Variants in GSE1 observed in about 807,000 individuals in gnomAD.
GSE1 encodes the protein Gse1 coiled-coil protein.
A neutral mutation model predicts 112.6 loss-of-function variants in GSE1; 32 were observed. The observed-to-expected ratio is 0.28, with a 90% confidence interval of 0.21 to 0.38. The LOEUF (loss-of-function observed/expected upper bound fraction) is 0.38, where lower values mean the gene tolerates loss of function less well. Ranked by LOEUF, GSE1 falls within the 10% of genes least tolerant of loss-of-function variation. The probability of loss-of-function intolerance (pLI) is 1.00; values close to 1 mark genes in which losing one functional copy is unlikely to be tolerated. For missense variants in GSE1, 2,348 were observed against 1,699.2 expected (o/e 1.38, Z -6.71); for synonymous variants, 1,115 against 735.6 (o/e 1.52, Z -8.35).
Position 85,550,311 on chromosome 16 carries a change from G to A in GSE1, c.2465-83603G>A, listed in dbSNP as rs999781003. ...CTGTGTGTCCTTGGGCAAGCTGCTC[G>A]ACCTCTCTGTTCTTCATCTGGAAAA... On this transcript the variant is annotated intron_variant, in intron 2 of 2. Coordinates refer to the GSE1 transcript ENST00000637419. Among the ~76,000 whole-genome samples, 10 of 152,246 alleles carry A rather than the reference G, an allele frequency of 6.6e-5. No individual in the cohort carries two copies. The East Asian group carries it at 7.7e-4, about 12-fold the overall frequency.
intron 1 of GSE1, among the ~76,000 whole-genome samples, chr16:85,255,574 G>A (rs1292902789): frequency 1.3e-5 from 2 of 152,092 alleles, no homozygotes; most frequent in Admixed American, 6.6e-5. Context: ...ACCACACCCG[G>A]CTAATTTTTG....
chr16:85,459,062 C>T (rs1008936881), intron 2 of GSE1, among the ~76,000 whole-genome samples: 7 of 152,222 alleles, frequency 4.6e-5, no homozygotes, highest in African/African-American at 7.2e-5. Context: ...TGAGACTTTC[C>T]GTCGGCTGCT....
At position 85,672,601 on chromosome 16, in the gene GSE1, A is replaced by C. The variant is rs2053442128; in HGVS notation, c.*62A>C. The C allele has an allele frequency of 8.7e-7, 1 of 1,148,794 alleles. No homozygotes were observed. 71.2% of individuals were successfully genotyped at this position (1,148,794 alleles called of 1,614,324 possible). A position where few individuals can be genotyped will look rare whatever the true frequency, so the allele number is the denominator to read the frequency against. ...AAATATTATCTATTTTATTACCTTGAATATTTAATATTTTTCACTGGGAGG... is the reference window on the plus strand; with the variant it reads ...AAATATTATCTATTTTATTACCTTGCATATTTAATATTTTTCACTGGGAGG... On this transcript the variant is annotated 3_prime_UTR_variant, in exon 16 of 16. Coordinates refer to ENST00000253458, the MANE Select transcript of GSE1 (RefSeq NM_014615.5).
chr16:85,436,998 C>A (rs993342648), intron 2 of GSE1, among the ~76,000 whole-genome samples: 1 of 152,184 alleles, frequency 6.6e-6, no homozygotes, highest in Non-Finnish European at 1.5e-5. Context: ...CGGCGGAGCC[C>A]GGGCAGAGGC....
intron 2 of GSE1, among the ~76,000 whole-genome samples, chr16:85,638,569 C>T (rs973287062): frequency 6.6e-6 from 1 of 152,152 alleles, no homozygotes; most frequent in Non-Finnish European, 1.5e-5. Flanking sequence ...CCTCATGAAT[C>T]GTGGGGACTG....
At chr16:85,499,592 C>T (rs2051296784) in intron 2 of GSE1, among the ~76,000 whole-genome samples, 1 of 152,120 alleles carries the variant, frequency 6.6e-6, no homozygotes, top group Non-Finnish European at 1.5e-5. Context: ...AGGCGTGAGC[C>T]ACCACACCCA....
At chr16:85,644,408 C>T (rs2050688610) in intron 2 of GSE1, among the ~76,000 whole-genome samples, 2 of 151,484 alleles carry the variant, frequency 1.3e-5, no homozygotes, top group South Asian at 4.2e-4. Context: ...GTGGGCCCAG[C>T]CTGTATGCCA....
intron 11 of GSE1, among the ~76,000 whole-genome samples, 175 bp downstream of exon 11, chr16:85,663,789 A>C (rs944279158): frequency 1.3e-5 from 2 of 152,190 alleles, no homozygotes; most frequent in Non-Finnish European, 2.9e-5. Flanking sequence ...AGCCCTCCAT[A>C]GCAGCCTTAC....
intron 1 of GSE1, among the ~76,000 whole-genome samples, chr16:85,596,380 C>T (rs1242616287): frequency 6.6e-6 from 1 of 152,200 alleles, no homozygotes; most frequent in Non-Finnish European, 1.5e-5. Context: ...TTCAGAGAGA[C>T]TCCCATGACA....
intron 1 of GSE1, among the ~76,000 whole-genome samples, chr16:85,246,511 C>A (rs984983511): frequency 3.8e-5 from 4 of 105,640 alleles, no homozygotes; most frequent in South Asian, 3.9e-4. Flanking sequence ...CCCCCCCCCC[C>A]CCGACGCTGT....
At chr16:85,640,467 G>A (rs2050350378) in intron 2 of GSE1, among the ~76,000 whole-genome samples, 1 of 152,230 alleles carries the variant, frequency 6.6e-6, no homozygotes, top group Non-Finnish European at 1.5e-5. Flanking sequence ...GCCTTCCCCT[G>A]GTGGTGTCTG....
At chr16:85,227,719 G>T (rs1424857522) in intron 1 of GSE1, among the ~76,000 whole-genome samples, 1 of 152,200 alleles carries the variant, frequency 6.6e-6, no homozygotes, top group Non-Finnish European at 1.5e-5. Flanking sequence ...TTTCAGGGCA[G>T]CCGCAGGCTC....
chr16:85,631,428 CGTGGGCCCAGGGCACGGGGCTT>C (rs2049531473), intron 1 of GSE1, among the ~76,000 whole-genome samples: 1 of 152,190 alleles, frequency 6.6e-6, no homozygotes, highest in South Asian at 2.1e-4. Context: ...TGTGTGGGCT[CGTGGGCCCAGGGCACGGGGCTT>C]GTGGGCAGGG....
At chr16:85,431,469 G>A (rs532596919) in intron 2 of GSE1, among the ~76,000 whole-genome samples, 35 of 152,182 alleles carry the variant, frequency 2.3e-4, no homozygotes, top group Non-Finnish European at 4.1e-4. Context: ...AACACACAAC[G>A]CCCCTACCGT....
At chr16:85,508,259 C>A (rs937999516) in intron 2 of GSE1, among the ~76,000 whole-genome samples, 1 of 152,218 alleles carries the variant, frequency 6.6e-6, no homozygotes, top group South Asian at 2.1e-4. Flanking sequence ...GTCTGCAACT[C>A]CTGACCTCAG....
At chr16:85,202,290 G>C (rs755693943) in intron 1 of GSE1, among the ~76,000 whole-genome samples, 3 of 152,256 alleles carry the variant, frequency 2.0e-5, no homozygotes, top group Admixed American at 6.5e-5. Flanking sequence ...CTGAGTGTTA[G>C]GGTCTCTGGG....
chr16:85,390,872 T>C (rs1345891166), intron 2 of GSE1, among the ~76,000 whole-genome samples: 2 of 152,232 alleles, frequency 1.3e-5, no homozygotes, highest in Admixed American at 6.5e-5. Flanking sequence ...TACATTTTTG[T>C]GTCTGCACTT....
intron 1 of GSE1, among the ~76,000 whole-genome samples, chr16:85,282,781 C>G (rs1381379713): frequency 6.6e-6 from 1 of 152,296 alleles, no homozygotes; most frequent in African/African-American, 2.4e-5. Flanking sequence ...TGTCTCTTGA[C>G]AAATTTGCAT....
chr16:85,652,316 C>T (rs1317531507), intron 3 of GSE1, among the ~76,000 whole-genome samples: 3 of 152,262 alleles, frequency 2.0e-5, no homozygotes, highest in Non-Finnish European at 4.4e-5. Flanking sequence ...TCCCCCACTA[C>T]CCCGGTTGCT....
Sources: allele counts gnomAD v4.1 joint callset (sites outside exome capture counted in the v4.1 genomes callset), GRCh38; gene constraint gnomAD v4.1.1; transcripts MANE v1.5; gene names NCBI Gene and HGNC (gene_info 2026-07-23, HGNC 2026-07-21).